ADRA1D: variants seen among roughly 807,000 people sequenced by gnomAD.
ADRA1D encodes alpha-1D adrenergic receptor.
Under a neutral mutation model 18.6 loss-of-function variants are expected in ADRA1D, and 22 were observed. The observed-to-expected ratio is 1.19, with a 90% CI of 0.85 to 1.69. The LOEUF (loss-of-function observed/expected upper bound fraction) is 1.69. Among genes scored for constraint, ADRA1D ranks in the 40% most tolerant of loss-of-function variants. The pLI is 0.00. For missense variants in ADRA1D, 840 were observed against 840.7 expected, an observed-to-expected ratio of 1.00 and a Z score of 0.01; for synonymous variants, 376 against 388.2, an observed-to-expected ratio of 0.97 and a Z score of 0.37.
intron 1 of ADRA1D, among the ~76,000 whole-genome samples, chr20:4,246,832 C>T (rs1226486052): frequency 1.3e-5 from 2 of 152,208 alleles, no homozygotes; most frequent in Admixed American, 1.3e-4. Context: ...ATAAAGTTCA[C>T]TGTGGCTGCA....
intron 1 of ADRA1D, among the ~76,000 whole-genome samples, chr20:4,231,066 CTCTCTCTCTCTCTCTCTTTTCTT>C (rs1980951607): frequency 1.1e-4 from 11 of 95,988 alleles, no homozygotes; most frequent in African/African-American, 4.2e-4. Flanking sequence ...TTCTTTCTTT[CTCTCTCTCTCTCTCTCTTTTCTT>C]TTCTTTTCTT....
intron 1 of ADRA1D, among the ~76,000 whole-genome samples, chr20:4,237,861 T>C (rs1164043559): frequency 6.6e-6 from 1 of 151,316 alleles, no homozygotes; most frequent in Non-Finnish European, 1.5e-5. Flanking sequence ...TTTATTTATT[T>C]AGTAGAGACG....
At chr20:4,230,889 G>A (rs2122662029) in intron 1 of ADRA1D, among the ~76,000 whole-genome samples, 1 of 152,302 alleles carries the variant, frequency 6.6e-6, no homozygotes, top group East Asian at 1.9e-4. Flanking sequence ...TCCCCACCCA[G>A]CCTGGCTCAG....
In ADRA1D at chr20:4,248,469, G is replaced by A; in HGVS notation, c.489C>T (p.Ala163=). The change falls in exon 1 of 2, where the codon GCC becomes GCT. Residue 163 remains alanine (A), a synonymous_variant. Transcript: ENST00000379453. ...SATMEVLGFW[A]FGRAFCDVWA... ...ATACGTCGCAGAAGGCGCGGCCAAA[G>A]GCCCAGAAGCCCAGAACCTCCATGG... 1 of 1,613,200 alleles carries A rather than the reference G, an allele frequency of 6.2e-7. No homozygotes were observed. The highest frequency in any genetic ancestry group is 8.5e-7 in the Non-Finnish European group (1 of 1,179,696).
At chr20:4,228,714 C>T (rs1306645810) in intron 1 of ADRA1D, among the ~76,000 whole-genome samples, 2 of 152,214 alleles carry the variant, frequency 1.3e-5, no homozygotes, top group African/African-American at 4.8e-5. Flanking sequence ...ACTAGGCACT[C>T]GCCCAGCCTT....
At chr20:4,244,660 C>T (rs965551273) in intron 1 of ADRA1D, among the ~76,000 whole-genome samples, 1 of 152,222 alleles carries the variant, frequency 6.6e-6, no homozygotes, top group African/African-American at 2.4e-5. Flanking sequence ...AGGTATCTCC[C>T]TCCTCCCAGG....
intron 1 of ADRA1D, among the ~76,000 whole-genome samples, chr20:4,237,621 G>A (rs1981123345): frequency 6.6e-6 from 1 of 151,738 alleles, no homozygotes; most frequent in South Asian, 2.1e-4. Flanking sequence ...CATGTGGCAG[G>A]TGGGAAAAGG....
chr20:4,237,470 A>G (rs1191072313), intron 1 of ADRA1D, among the ~76,000 whole-genome samples: 1 of 151,082 alleles, frequency 6.6e-6, no homozygotes, highest in Non-Finnish European at 1.5e-5. Flanking sequence ...AAAAAAAAAA[A>G]AAAAGAAAGA....
chr20:4,221,867 C>T lies in ADRA1D; in HGVS notation c.1375G>A (p.Gly459Arg), dbSNP rs1241618837. Residue 459 changes from glycine to arginine, a missense_variant, in exon 2 of 2, where the codon GGA (glycine) becomes AGA (arginine). By Grantham distance (125) the Gly-to-Arg change is moderately radical. Coordinates refer to ENST00000379453, the MANE Select transcript of ADRA1D (RefSeq NM_000678.4). Reference protein sequence around the residue: ...CAPSSGDAPPGAPLALTALPD... With the variant: ...CAPSSGDAPPRAPLALTALPD... ...AGCGCGGTGAGGGCCAGCGGCGCTC[C>T]GGGGGGCGCGTCGCCCGAACTCGGG... 3 of 1,424,254 alleles carry T rather than the reference C, an allele frequency of 2.1e-6. No homozygotes were observed. Among genetic ancestry groups the T allele is most frequent in the South Asian group, 1.4e-5 (1 of 71,426 alleles). 88.2% of individuals were successfully genotyped at this position (1,424,254 alleles called of 1,614,324 possible).
Position 4,221,774 on chromosome 20 carries a change from G to T in ADRA1D, c.1468C>A (p.Pro490Thr). 1 of 1,586,792 alleles carries T rather than the reference G, an allele frequency of 6.3e-7. No individual in the cohort carries two copies. The highest frequency in any genetic ancestry group is 1.1e-5 in the South Asian group (1 of 89,450). Residue 490 changes from proline (P) to threonine (T), a missense_variant, in exon 2 of 2, where the codon CCA becomes ACA. By Grantham distance (38) the Pro-to-Thr change is conservative. Coordinates refer to ENST00000379453, the MANE Select transcript of ADRA1D (RefSeq NM_000678.4). ...MQAPVASRRK[P>T]PSAFREWRLL... ...CTCCACTCGCGGAAGGCGCTGGGTG[G>T]CTTTCGACGGCTGGCGACCGGAGCC... is the stretch of plus-strand genomic sequence containing the variant.
At chr20:4,235,849 C>T (rs956714581) in intron 1 of ADRA1D, among the ~76,000 whole-genome samples, 1 of 152,170 alleles carries the variant, frequency 6.6e-6, no homozygotes. Flanking sequence ...GGGGGGTGCA[C>T]GGCAGGCCTG....
intron 1 of ADRA1D, among the ~76,000 whole-genome samples, chr20:4,244,315 C>T (rs988385891): frequency 2.6e-5 from 4 of 152,220 alleles, no homozygotes; most frequent in African/African-American, 9.7e-5. Flanking sequence ...GTGCTCGTCA[C>T]AGCTAGTGTG....
rs1000107007 is a variant in ADRA1D, at chr20:4,248,985, C to G, written c.-28G>C. 1.5e-5 allele frequency: 20 copies of G among 1,312,920 alleles called. No homozygotes were observed. The highest frequency in any genetic ancestry group is 1.9e-5 in the Non-Finnish European group (19 of 1,020,396). The allele number at this position is 1,312,920 out of a possible 1,614,324, so 81.3% of individuals were successfully genotyped here. ...CAACGCGCGGCCGTCGGTGGCCGGG[C>G]CGGGGCACAGAACGAGCGGCCGGCA... is the stretch of plus-strand genomic sequence containing the variant. On this transcript the variant is annotated 5_prime_UTR_variant, in exon 1 of 2. Transcript: ENST00000379453.
At chr20:4,235,632 G>A (rs916832652) in intron 1 of ADRA1D, among the ~76,000 whole-genome samples, 1 of 152,266 alleles carries the variant, frequency 6.6e-6, no homozygotes, top group South Asian at 2.1e-4. Flanking sequence ...GCTCCTGGGT[G>A]TGAGCAGAGC....
At chr20:4,246,406 G>A (rs1015509321) in intron 1 of ADRA1D, among the ~76,000 whole-genome samples, 12 of 152,218 alleles carry the variant, frequency 7.9e-5, no homozygotes, top group African/African-American at 2.9e-4. Flanking sequence ...AAGACCTAAA[G>A]GATAGAGTTG....
In ADRA1D at chr20:4,239,838, C is replaced by T. The variant is rs1175257304; in HGVS notation, c.1111+8009G>A. ...GAACATCTTCCCTGCCTTTGCTGTA[C>T]AGATTCTATTTAACCAAACAGCTAG... On this transcript the variant is annotated intron_variant, in intron 1 of 1. Transcript: ENST00000379453. The surrounding 1 kb of genome is among the most constrained non-coding windows in gnomAD (Gnocchi z 4.9). 6.6e-6 allele frequency among the ~76,000 whole-genome samples: 1 copy of T among 152,206 alleles called. No homozygotes were observed. The highest frequency in any genetic ancestry group is 6.5e-5 in the Admixed American group (1 of 15,288).
At chr20:4,235,168 A>G (rs140691896) in intron 1 of ADRA1D, among the ~76,000 whole-genome samples, 2 of 152,286 alleles carry the variant, frequency 1.3e-5, no homozygotes, top group African/African-American at 2.4e-5. Flanking sequence ...CGCCGGGTGT[A>G]GGTCAGAAGT....
intron 1 of ADRA1D, among the ~76,000 whole-genome samples, chr20:4,243,192 C>A (rs1478225265): frequency 2.0e-5 from 3 of 152,108 alleles, no homozygotes; most frequent in African/African-American, 7.2e-5. Flanking sequence ...GCTTCAGAGG[C>A]TTTTATCAGG....
chr20:4,234,470 G>A (rs1433011590), intron 1 of ADRA1D, among the ~76,000 whole-genome samples: 2 of 152,076 alleles, frequency 1.3e-5, no homozygotes, highest in Non-Finnish European at 2.9e-5. Flanking sequence ...TCCTCCACTG[G>A]GACTTTTCTA....
Sources: allele counts gnomAD v4.1 joint callset (sites outside exome capture counted in the v4.1 genomes callset), GRCh38; gene constraint gnomAD v4.1.1; non-coding constraint Gnocchi (gnomAD v3.1); transcripts MANE v1.5; gene names NCBI Gene and HGNC (gene_info 2026-07-23, HGNC 2026-07-21).